ANK3: variants seen among roughly 807,000 people sequenced by gnomAD.
ANK3 encodes the protein ankyrin-3.
In ANK3, 57 loss-of-function variants were observed where a neutral mutation model predicts 370.9. That is an observed-to-expected ratio of 0.15 (90% confidence interval 0.12 to 0.19). The LOEUF (loss-of-function observed/expected upper bound fraction) is 0.19, where lower values mean the gene tolerates loss of function less well. ANK3 is among the 10% of genes least tolerant of loss of function. The pLI is 1.00. For missense variants in ANK3, 4,439 were observed against 5,302.1 expected (o/e 0.84, Z 5.06); for synonymous variants, 1,929 against 1,946.3 (o/e 0.99, Z 0.23).
At chr10:60,670,650 C>T (rs982664496) in intron 1 of ANK3, among the ~76,000 whole-genome samples, 1 of 152,096 alleles carries the variant, frequency 6.6e-6, no homozygotes. Context: ...AGTGGCTTCC[C>T]GTTTGTGACA....
chr10:60,694,571 G>C (rs564693654), intron 1 of ANK3, among the ~76,000 whole-genome samples: 1 of 152,194 alleles, frequency 6.6e-6, no homozygotes, highest in Admixed American at 6.5e-5. Flanking sequence ...CTACAAGCCA[G>C]AAGAGAGTGG....
chr10:60,081,451 T>G, intron 35 of ANK3: 1 of 418,790 alleles, frequency 2.4e-6, no homozygotes, highest in South Asian at 1.7e-5. Flanking sequence ...ACTATTGATG[T>G]GTGGGATTCA....
intron 2 of ANK3, among the ~76,000 whole-genome samples, chr10:60,569,120 C>T (rs1235881563): frequency 1.3e-5 from 2 of 152,214 alleles, no homozygotes; most frequent in African/African-American, 2.4e-5. Context: ...TCACTTCCTA[C>T]ATTTTATTCT....
At chr10:60,434,982 A>C (rs1254503645) in intron 2 of ANK3, among the ~76,000 whole-genome samples, 1 of 152,202 alleles carries the variant, frequency 6.6e-6, no homozygotes. Context: ...TAAATGAAAA[A>C]GTGTATTGGG....
chr10:60,115,249 G>A (rs866526768), intron 25 of ANK3, among the ~76,000 whole-genome samples: 1 of 152,166 alleles, frequency 6.6e-6, no homozygotes, highest in African/African-American at 2.4e-5. Flanking sequence ...GAGGTAGTGT[G>A]AGCTTTCACC....
At chr10:60,513,868 C>T (rs185866502) in intron 2 of ANK3, among the ~76,000 whole-genome samples, 231 of 152,208 alleles carry the variant, frequency 1.5e-3, no homozygotes, top group Admixed American at 1.5e-3. Flanking sequence ...TGCGTTTGCA[C>T]GGAGTGAGTC....
At chr10:60,182,843 T>C (rs2096235396) in intron 17 of ANK3, among the ~76,000 whole-genome samples, 1 of 152,176 alleles carries the variant, frequency 6.6e-6, no homozygotes, top group Non-Finnish European at 1.5e-5. Context: ...TGCATTCACT[T>C]GAAATTCAAG....
chr10:60,353,358 A>C (rs2057237323), intron 1 of ANK3, among the ~76,000 whole-genome samples: 2 of 151,970 alleles, frequency 1.3e-5, no homozygotes, highest in Non-Finnish European at 2.9e-5. Context: ...TGTAATATGC[A>C]CTGTAATAAG....
chr10:60,069,513 T>A lies in ANK3; in HGVS notation c.11368A>T (p.Asn3790Tyr). The A allele has an allele frequency of 6.2e-7, 1 of 1,613,720 alleles. No individual in the cohort carries two copies. Among genetic ancestry groups the A allele is most frequent in the Non-Finnish European group, 8.5e-7 (1 of 1,179,938 alleles). Reference protein sequence around the residue: ...DFQKDNFNNNNNLDSSTIQTD... With the variant: ...DFQKDNFNNNYNLDSSTIQTD... ...TGTATAGTGGAAGAATCCAAATTGT[T>A]GTTGTTATTAAAGTTATCTTTTTGA... Residue 3790 changes from asparagine (N) to tyrosine (Y), a missense_variant, in exon 37 of 44, where the codon AAC becomes TAC. Transcript: ENST00000280772.
At position 60,074,779 on chromosome 10, in the gene ANK3, A is replaced by C; in HGVS notation, c.6102T>G (p.Ile2034Met). The change falls in exon 37 of 44, where the codon ATT (isoleucine) becomes ATG (methionine). Residue 2034 changes from isoleucine (I) to methionine (M), a missense_variant. Coordinates refer to ENST00000280772, the MANE Select transcript of ANK3 (RefSeq NM_020987.5). ...SEKDYNLTKV[I>M]DYLTNDIGSS... ...TCCCAATATCATTTGTTAGGTAATCAATAACTTTGGTCAAGTTATAATCCT... is the reference window on the plus strand; with the variant it reads ...TCCCAATATCATTTGTTAGGTAATCCATAACTTTGGTCAAGTTATAATCCT... The C allele has an allele frequency of 6.2e-7, 1 of 1,614,110 alleles. No individual in the cohort carries two copies. The highest frequency in any genetic ancestry group is 8.5e-7 in the Non-Finnish European group (1 of 1,179,994).
intron 1 of ANK3, among the ~76,000 whole-genome samples, chr10:60,343,722 G>A (rs1376939140): frequency 6.6e-6 from 1 of 152,150 alleles, no homozygotes; most frequent in Admixed American, 6.5e-5. Flanking sequence ...ATAAAGAGAG[G>A]TGATGACAGC....
intron 1 of ANK3, among the ~76,000 whole-genome samples, chr10:60,650,001 C>T (rs1278401125): frequency 6.6e-6 from 1 of 152,164 alleles, no homozygotes; most frequent in African/African-American, 2.4e-5. Flanking sequence ...CTCCATCAGC[C>T]TGGGTCCCTG....
At chr10:60,608,417 G>A (rs763300736) in intron 2 of ANK3, among the ~76,000 whole-genome samples, 6 of 152,002 alleles carry the variant, frequency 3.9e-5, no homozygotes, top group Non-Finnish European at 2.9e-5. Context: ...TTGCAATAAC[G>A]TCTTCAGTTG....
At chr10:60,700,393 T>A (rs1219595808) in intron 1 of ANK3, among the ~76,000 whole-genome samples, 2 of 152,168 alleles carry the variant, frequency 1.3e-5, no homozygotes, top group Non-Finnish European at 2.9e-5. Context: ...TAGGAACGTA[T>A]ACAAACTGGA....
chr10:60,392,822 G>A (rs1201782216), upstream of ANK3, among the ~76,000 whole-genome samples: 4 of 151,954 alleles, frequency 2.6e-5, no homozygotes, highest in African/African-American at 7.3e-5. Flanking sequence ...CCAGCTACAC[G>A]GGAGGCTGAG....
In ANK3 at chr10:60,643,121, G is replaced by A. The variant is rs148189011; in HGVS notation, c.58-27897C>T. Among the ~76,000 whole-genome samples the A allele has an allele frequency of 3.0e-3, 462 of 152,150 alleles. 3 individuals carry two copies. Among genetic ancestry groups the A allele is most frequent in the Admixed American group, 6.9e-3 (106 of 15,282 alleles). ...CCCTTCCTTGACCTGGTGACAGACC[G>A]TGATGGTTAATAGTGAGTGGCAACT... is the stretch of plus-strand genomic sequence containing the variant. On this transcript the variant is annotated intron_variant, in intron 1 of 43. Coordinates refer to the ANK3 transcript ENST00000373827.
intron 2 of ANK3, among the ~76,000 whole-genome samples, chr10:60,603,654 T>C (rs61853513): frequency 3.3e-5 from 5 of 152,114 alleles, no homozygotes; most frequent in Non-Finnish European, 5.9e-5. Context: ...AAGAAATACT[T>C]CATCAAACAT....
chr10:60,240,351 C>A (rs2097434362), intron 7 of ANK3, among the ~76,000 whole-genome samples: 1 of 144,078 alleles, frequency 6.9e-6, no homozygotes, highest in Non-Finnish European at 1.5e-5. Context: ...GCTGCCCAGG[C>A]TGGAGTGCAA....
intron 2 of ANK3, among the ~76,000 whole-genome samples, chr10:60,482,730 A>C (rs2075257130): frequency 6.6e-6 from 1 of 152,088 alleles, no homozygotes; most frequent in Admixed American, 6.5e-5. Flanking sequence ...CAAGCGGTCC[A>C]CCTGTCTTGG....
Sources: allele counts gnomAD v4.1 joint callset (sites outside exome capture counted in the v4.1 genomes callset), GRCh38; gene constraint gnomAD v4.1.1; transcripts MANE v1.5; gene names NCBI Gene and HGNC (gene_info 2026-07-23, HGNC 2026-07-21).